YES1: variants seen among roughly 807,000 people sequenced by gnomAD.
YES1 encodes YES proto-oncogene 1, Src family tyrosine kinase.
YES1 carries 39 observed loss-of-function variants against 70.4 expected under a neutral mutation model. That is an observed-to-expected ratio of 0.55 (90% CI 0.43 to 0.72). The LOEUF (loss-of-function observed/expected upper bound fraction) is 0.72. Among genes scored for constraint, YES1 ranks in the 30% least tolerant of loss-of-function variants. YES1 has a pLI of 0.00. For synonymous variants in YES1, 198 were observed against 218.6 expected, an observed-to-expected ratio of 0.91 and a Z score of 0.83; for missense variants, 495 against 644.8, an observed-to-expected ratio of 0.77 and a Z score of 2.52.
intron 1 of YES1, among the ~76,000 whole-genome samples, chr18:795,122 G>T (rs577962672): frequency 2.0e-5 from 3 of 152,160 alleles, no homozygotes; most frequent in African/African-American, 7.2e-5. Flanking sequence ...CTGAGGGTTA[G>T]GACCCTTTTG....
intron 1 of YES1, among the ~76,000 whole-genome samples, chr18:789,331 C>T (rs1247509839): frequency 6.6e-6 from 1 of 152,110 alleles, no homozygotes; most frequent in African/African-American, 2.4e-5. Context: ...CATGTAATCC[C>T]AACACTTTGG....
rs999287732 is a variant in YES1 at position 724,700 on chromosome 18, C to A, written c.1424-68G>T. ...TACCACTAGGAAAACATAACAAACC[C>A]CCTAGCCACTAACTCATTCAAAGTA... is the stretch of plus-strand genomic sequence containing the variant. On this transcript the variant is annotated intron_variant, in intron 11 of 11. Coordinates refer to ENST00000314574, the MANE Select transcript of YES1 (RefSeq NM_005433.4). The A allele has an allele frequency of 1.3e-5, 16 of 1,243,186 alleles. No homozygotes were observed. In the African/African-American group the frequency reaches 2.4e-4, roughly 18 times the overall value. 77.0% of individuals were successfully genotyped at this position (1,243,186 alleles called of 1,614,324 possible).
At chr18:789,271 C>T (rs1440074062) in intron 1 of YES1, among the ~76,000 whole-genome samples, 5 of 152,032 alleles carry the variant, frequency 3.3e-5, no homozygotes, top group Admixed American at 3.3e-4. Context: ...AAAGAGAGAA[C>T]AAAACCCACA....
chr18:734,177 G>C (rs528476068), intron 10 of YES1, among the ~76,000 whole-genome samples: 1 of 152,258 alleles, frequency 6.6e-6, no homozygotes, highest in South Asian at 2.1e-4. Flanking sequence ...TACTCGGGAG[G>C]CTGAGGCAGG....
chr18:812,327 G>GCCCCCCCCCCCCCCCCCCCCCCCCCC (rs10617278), upstream of YES1: 1 of 145,058 alleles, frequency 6.9e-6, no homozygotes, highest in Admixed American at 6.8e-5. Flanking sequence ...CACCTCCTCC[G>GCCCCCCCCCCCCCCCCCCCCCCCCCC]CCCCCCCCCC....
chr18:757,293 G>T (rs1002997574), intron 1 of YES1, among the ~76,000 whole-genome samples: 5 of 151,832 alleles, frequency 3.3e-5, no homozygotes, highest in Non-Finnish European at 7.4e-5. Context: ...CACGAGGTCA[G>T]GAGATTGAGA....
chr18:794,590 T>G (rs563727309), intron 1 of YES1, among the ~76,000 whole-genome samples: 38 of 152,266 alleles, frequency 2.5e-4, no homozygotes, highest in Non-Finnish European at 2.9e-4. Context: ...ATAACAAATT[T>G]ATTATGTCAT....
intron 10 of YES1, 46 bp downstream of exon 10, chr18:736,762 C>A: frequency 6.3e-7 from 1 of 1,587,634 alleles, no homozygotes; most frequent in Non-Finnish European, 8.6e-7. Context: ...GAGAGTTAAG[C>A]AAAACACACA....
At chr18:805,216 G>A (rs756432864) in intron 1 of YES1, among the ~76,000 whole-genome samples, 2 of 152,012 alleles carry the variant, frequency 1.3e-5, no homozygotes, top group African/African-American at 2.4e-5. Flanking sequence ...CTACAACCTT[G>A]GGCCATATAG....
intron 1 of YES1, among the ~76,000 whole-genome samples, chr18:787,641 C>A (rs774007197): frequency 3.3e-5 from 5 of 151,618 alleles, no homozygotes; most frequent in African/African-American, 1.2e-4. Flanking sequence ...ACCTGGGATG[C>A]GGAGGTTGCA....
chr18:769,019 C>T (rs922979968), intron 1 of YES1, among the ~76,000 whole-genome samples: 2 of 151,908 alleles, frequency 1.3e-5, no homozygotes, highest in African/African-American at 4.8e-5. Flanking sequence ...TGTTTAGATA[C>T]ACAAATACTT....
intron 10 of YES1, among the ~76,000 whole-genome samples, chr18:734,480 C>T (rs1002727188): frequency 4.0e-5 from 6 of 150,548 alleles, no homozygotes; most frequent in Admixed American, 1.3e-4. Flanking sequence ...GGCGAGAACC[C>T]GGGAGGCAGA....
chr18:763,784 T>C (rs1248746726), intron 1 of YES1, among the ~76,000 whole-genome samples: 2 of 148,810 alleles, frequency 1.3e-5, no homozygotes. Context: ...TGTATAAGTA[T>C]AATAATCAAG....
chr18:794,598 C>G (rs1000157730), intron 1 of YES1, among the ~76,000 whole-genome samples: 1 of 152,092 alleles, frequency 6.6e-6, no homozygotes, highest in African/African-American at 2.4e-5. Flanking sequence ...TTTATTATGT[C>G]ATAGTTCTGG....
intron 1 of YES1, chr18:787,918 G>C (rs1330010715): frequency 6.6e-6 from 1 of 152,118 alleles, no homozygotes; most frequent in East Asian, 1.9e-4. Context: ...TTTAAGCTGT[G>C]AAGACTTGAT....
intron 1 of YES1, among the ~76,000 whole-genome samples, chr18:793,547 G>C (rs8093142): frequency 0.32 from 48,088 of 151,732 alleles, 7,865 homozygotes; most frequent in Admixed American, 0.4. Flanking sequence ...AAATTGCTCA[G>C]GCTGGTCTCA....
chr18:756,637 C>T lies in YES1; in HGVS notation c.191G>A (p.Gly64Glu). The part of the protein sequence containing the change: ...FSSLSMTPFG[G>E]SSGVTPFGGA... ...TCCAAAAGGCGTTACCCCTGAGGAT[C>T]CTCCAAATGGTGTCATGGAAAGACT... The change falls in exon 2 of 12, where the codon GGA becomes GAA. Residue 64 changes from glycine to glutamate, a missense_variant. By Grantham distance (98) the Gly-to-Glu change is moderately conservative. Around this residue, in one of 2 missense-constraint regions of YES1, gnomAD observed 110 missense variants for 104.0 expected, o/e 1.06. Coordinates refer to ENST00000314574, the MANE Select transcript of YES1 (RefSeq NM_005433.4). The T allele has an allele frequency of 6.2e-7, 1 of 1,614,176 alleles. No individual in the cohort carries two copies. Among genetic ancestry groups the T allele is most frequent in the Non-Finnish European group, 8.5e-7 (1 of 1,180,032 alleles).
chr18:805,424 GA>G (rs1185434330), intron 1 of YES1, among the ~76,000 whole-genome samples: 2 of 152,306 alleles, frequency 1.3e-5, no homozygotes, highest in African/African-American at 4.8e-5. Context: ...CACCATCATT[GA>G]AACTTCCTTA....
rs200885771 is a variant in YES1, at chr18:743,250, G to A, written c.880+10C>T. On this transcript the variant is annotated intron_variant, in intron 7 of 11. Transcript: ENST00000314574. Reference sequence around the variant, plus strand: ...AACAATGACAGAAAACAAAAATTCAGGCTTCTTACCCATCCACACTTCGCC... The same window carrying A: ...AACAATGACAGAAAACAAAAATTCAAGCTTCTTACCCATCCACACTTCGCC... 1.2e-6 allele frequency: 2 copies of A among 1,602,448 alleles called. No individual in the cohort carries two copies. The highest frequency in any genetic ancestry group is 4.5e-5 in the East Asian group (2 of 44,674).
Sources: allele counts gnomAD v4.1 joint callset (sites outside exome capture counted in the v4.1 genomes callset), GRCh38; gene constraint gnomAD v4.1.1; regional missense constraint gnomAD v4.1.1; transcripts MANE v1.5; gene names NCBI Gene and HGNC (gene_info 2026-07-23, HGNC 2026-07-21).